CAMK2B: variants seen among roughly 807,000 people sequenced by gnomAD.
CAMK2B encodes the protein calcium/calmodulin dependent protein kinase II beta.
Under a neutral mutation model 93.7 loss-of-function variants are expected in CAMK2B, and 27 were observed. The observed-to-expected ratio is 0.29, with a 90% confidence interval of 0.21 to 0.40. The LOEUF (loss-of-function observed/expected upper bound fraction) is 0.40. Ranked by LOEUF, CAMK2B falls within the 10% of genes least tolerant of loss-of-function variation. CAMK2B has a pLI of 1.00. For synonymous variants in CAMK2B, 374 were observed against 358.8 expected, an observed-to-expected ratio of 1.04 and a Z score of -0.48; for missense variants, 568 against 895.8, an observed-to-expected ratio of 0.63 and a Z score of 4.67.
intron 3 of CAMK2B, among the ~76,000 whole-genome samples, chr7:44,261,729 G>A (rs759409588): frequency 6.6e-6 from 1 of 152,176 alleles, no homozygotes; most frequent in Non-Finnish European, 1.5e-5. Context: ...CACATCAGAC[G>A]GCAAATTCAC....
In CAMK2B at chr7:44,225,842, G is replaced by T; in HGVS notation, c.1597+674C>A. 1 of 1,289,366 alleles carries T rather than the reference G, an allele frequency of 7.8e-7. No individual in the cohort carries two copies. Among genetic ancestry groups the T allele is most frequent in the South Asian group, 1.2e-5 (1 of 81,030 alleles). 79.9% of individuals were successfully genotyped at this position (1,289,366 alleles called of 1,614,324 possible). A position where few individuals can be genotyped will look rare whatever the true frequency, so the allele number is the denominator to read the frequency against. The stretch of plus-strand genomic sequence containing the variant: ...GTATCTCCACACCACCCCCAGTCTG[G>T]TGTCTCCCCACAGGTGGGGGTGGCA... On this transcript the variant is annotated intron_variant, in intron 20 of 23. Coordinates refer to ENST00000395749, the MANE Select transcript of CAMK2B (RefSeq NM_001220.5). This position sits in a 1 kb window ranked among gnomAD's most constrained non-coding sequence, Gnocchi z 5.0.
chr7:44,303,519 A>G (rs1790662589), intron 1 of CAMK2B, among the ~76,000 whole-genome samples: 1 of 152,222 alleles, frequency 6.6e-6, no homozygotes, highest in Non-Finnish European at 1.5e-5. Context: ...TAGCCTTTTC[A>G]ACAATGGTGC....
At chr7:44,232,908 A>G in intron 15 of CAMK2B, 42 bp from the exon 16 acceptor site, 1 of 1,583,068 alleles carries the variant, frequency 6.3e-7, no homozygotes, top group Non-Finnish European at 8.7e-7. Flanking sequence ...AGAGAGGGAA[A>G]GTGAGAAGAG....
Position 44,241,791 on chromosome 7 carries a change from G to T in CAMK2B, c.820-8C>A. 6.2e-7 allele frequency: 1 copy of T among 1,610,494 alleles called. No individual in the cohort carries two copies. The highest frequency in any genetic ancestry group is 8.5e-7 in the Non-Finnish European group (1 of 1,177,202). On this transcript the variant is annotated splice_polypyrimidine_tract_variant and splice_region_variant and intron_variant, in intron 10 of 23. Coordinates refer to ENST00000395749, the MANE Select transcript of CAMK2B (RefSeq NM_001220.5). Reference sequence around the variant, plus strand: ...TGCTACCGTGGAGCGTTGCTGTGGGGAAATGGGTGGTCATATGGCAGCCGA... The same window carrying T: ...TGCTACCGTGGAGCGTTGCTGTGGGTAAATGGGTGGTCATATGGCAGCCGA...
At chr7:44,253,671 C>T (rs984933544) in intron 5 of CAMK2B, among the ~76,000 whole-genome samples, 3 of 152,212 alleles carry the variant, frequency 2.0e-5, no homozygotes, top group African/African-American at 7.2e-5. Context: ...AATCTCGGCT[C>T]ACTGCAACTT....
chr7:44,260,336 C>G (rs544233250), intron 3 of CAMK2B, among the ~76,000 whole-genome samples: 2 of 152,284 alleles, frequency 1.3e-5, no homozygotes, highest in East Asian at 3.9e-4. Context: ...CATGTGGCTT[C>G]TGGGGCCTAG....
chr7:44,229,296 GCT>G, intron 18 of CAMK2B, 90 bp downstream of exon 18: 2 of 825,908 alleles, frequency 2.4e-6, no homozygotes, highest in East Asian at 5.6e-5. Context: ...CAGGGTCCAC[GCT>G]CAGCCTGCCC....
chr7:44,310,738 G>T (rs1292302618), intron 1 of CAMK2B, among the ~76,000 whole-genome samples: 1 of 152,326 alleles, frequency 6.6e-6, no homozygotes. Flanking sequence ...GGTCCCTAAA[G>T]TTGTCAAATT....
At chr7:44,270,682 A>G (rs2096966442) in intron 2 of CAMK2B, among the ~76,000 whole-genome samples, 1 of 152,214 alleles carries the variant, frequency 6.6e-6, no homozygotes, top group South Asian at 2.1e-4. Context: ...CCTGTCAAGT[A>G]GCGCTGTTCC....
At chr7:44,289,867 C>T (rs1339789490) in intron 1 of CAMK2B, among the ~76,000 whole-genome samples, 3 of 152,228 alleles carry the variant, frequency 2.0e-5, no homozygotes, top group Admixed American at 6.5e-5. Context: ...GCTTGGATTC[C>T]GTTCCCTTAG....
chr7:44,233,496 G>A (rs1192011652), intron 15 of CAMK2B, among the ~76,000 whole-genome samples: 2 of 152,144 alleles, frequency 1.3e-5, no homozygotes, highest in Admixed American at 1.3e-4. Context: ...GGCGGTCTGG[G>A]GCTGGCTCCC....
At chr7:44,246,765 G>A (rs1334008174) in intron 6 of CAMK2B, among the ~76,000 whole-genome samples, 18 of 151,936 alleles carry the variant, frequency 1.2e-4, no homozygotes, top group Non-Finnish European at 2.2e-4. Flanking sequence ...CTCCACCCAG[G>A]CATGCACATA....
At chr7:44,235,234 T>C (rs1472565585) in intron 13 of CAMK2B, among the ~76,000 whole-genome samples, 1 of 152,216 alleles carries the variant, frequency 6.6e-6, no homozygotes, top group Non-Finnish European at 1.5e-5. Context: ...TCTGTCCCAT[T>C]GGCTCCTTGG....
At chr7:44,274,533 G>A (rs114035409) in intron 2 of CAMK2B, among the ~76,000 whole-genome samples, 1,791 of 152,286 alleles carry the variant, frequency 0.012, 38 homozygotes, top group African/African-American at 0.041. Flanking sequence ...AAGTCGTCCC[G>A]GGCACCTGGG....
rs1052769707 is a variant in CAMK2B, at chr7:44,225,090, C to G, written c.1597+1426G>C. Among the ~76,000 whole-genome samples, 1 of 152,050 alleles carries G rather than the reference C, an allele frequency of 6.6e-6. No individual in the cohort carries two copies. Among genetic ancestry groups the G allele is most frequent in the Admixed American group, 6.5e-5 (1 of 15,280 alleles). ...GAAGGGCAGGTCTGTGCTGTGGCCCCTGAAGGTGAGCCTGGACACCGAGCC... is the reference window on the plus strand; with the variant it reads ...GAAGGGCAGGTCTGTGCTGTGGCCCGTGAAGGTGAGCCTGGACACCGAGCC... On this transcript the variant is annotated intron_variant, in intron 20 of 23. Coordinates refer to ENST00000395749, the MANE Select transcript of CAMK2B (RefSeq NM_001220.5). This position sits in a 1 kb window ranked among gnomAD's most constrained non-coding sequence, Gnocchi z 5.0.
At position 44,219,344 on chromosome 7, in the gene CAMK2B, G is replaced by GTTTTTTTTTTTTT. The variant is rs59312365; in HGVS notation, c.*168_*180dup. ...TTTTTGTGGTTGTCGTCGTCATCTT[G>GTTTTTTTTTTTTT]TTTTTTTTTTTTTTTTTTTTGTTTT... is the stretch of plus-strand genomic sequence containing the variant. On this transcript the variant is annotated 3_prime_UTR_variant, in exon 24 of 24. Transcript: ENST00000395749. 2.0e-4 allele frequency: 7 copies of GTTTTTTTTTTTTT among 35,188 alleles called. No individual in the cohort carries two copies. Among genetic ancestry groups the GTTTTTTTTTTTTT allele is most frequent in the Non-Finnish European group, 2.6e-4 (5 of 19,162 alleles). 2.2% of individuals were successfully genotyped at this position (35,188 alleles called of 1,614,324 possible). A position where few individuals can be genotyped will look rare whatever the true frequency, so the allele number is the denominator to read the frequency against.
intron 2 of CAMK2B, among the ~76,000 whole-genome samples, chr7:44,269,180 A>C (rs1324520465): frequency 1.3e-5 from 2 of 152,176 alleles, no homozygotes; most frequent in Non-Finnish European, 2.9e-5. Context: ...AGGCACAGAG[A>C]GGAGCTCAAA....
chr7:44,300,485 A>G (rs1331056128), intron 1 of CAMK2B, among the ~76,000 whole-genome samples: 1 of 147,336 alleles, frequency 6.8e-6, no homozygotes, highest in Non-Finnish European at 1.5e-5. Flanking sequence ...TTGATATCAG[A>G]AAAAAAAAAA....
At chr7:44,231,315 C>T (rs944426544) in intron 16 of CAMK2B, among the ~76,000 whole-genome samples, 6 of 152,162 alleles carry the variant, frequency 3.9e-5, no homozygotes, top group South Asian at 2.1e-4. Context: ...CCTGGGAGGG[C>T]GCCCCTCACC....
Sources: allele counts gnomAD v4.1 joint callset (sites outside exome capture counted in the v4.1 genomes callset), GRCh38; gene constraint gnomAD v4.1.1; non-coding constraint Gnocchi (gnomAD v3.1); transcripts MANE v1.5; gene names NCBI Gene and HGNC (gene_info 2026-07-23, HGNC 2026-07-21).